Variants in NEDD4 observed in about 807,000 individuals in gnomAD.
NEDD4 encodes NEDD4 E3 ubiquitin protein ligase.
Under a neutral mutation model 144.9 loss-of-function variants are expected in NEDD4, and 99 were observed. The ratio of observed to expected loss-of-function variants is 0.68; its 90% CI spans 0.58 to 0.81. The LOEUF is 0.81. Among genes scored for constraint, NEDD4 ranks in the 30% least tolerant of loss-of-function variants. NEDD4 has a pLI of 0.00. For synonymous variants in NEDD4, 318 were observed against 350.6 expected (o/e 0.91, Z 1.04); for missense variants, 985 against 1,065.9 (o/e 0.92, Z 1.06).
chr15:55,866,006 A>C (rs1279139393), intron 8 of NEDD4, among the ~76,000 whole-genome samples: 1 of 152,148 alleles, frequency 6.6e-6, no homozygotes, highest in Admixed American at 6.5e-5. Context: ...ATCACAGCTC[A>C]CTGCAGCCTT....
At chr15:55,886,653 G>A (rs975947692) in intron 5 of NEDD4, among the ~76,000 whole-genome samples, 1 of 151,800 alleles carries the variant, frequency 6.6e-6, no homozygotes, top group African/African-American at 2.4e-5. Context: ...AGCTACTCGG[G>A]AGGCTGAGGC....
At chr15:55,951,465 A>T (rs2037237184) in intron 3 of NEDD4, 46 bp downstream of exon 3, 1 of 1,411,882 alleles carries the variant, frequency 7.1e-7, no homozygotes, top group African/African-American at 1.5e-5. Flanking sequence ...TCTTATAAAA[A>T]TAAAACAAAG....
rs543392493 is a variant in NEDD4 at position 55,970,759 on chromosome 15, C to T, written c.46-4213G>A. On this transcript the variant is annotated intron_variant, in intron 1 of 28. Coordinates refer to ENST00000435532, the MANE Select transcript of NEDD4 (RefSeq NM_006154.4). The stretch of plus-strand genomic sequence containing the variant: ...CCCCTAATATGCTCACATATGGCTT[C>T]AGTGACCAAAGACTTAAGATTCCCT... 3.3e-5 allele frequency among the ~76,000 whole-genome samples: 5 copies of T among 152,336 alleles called. No individual in the cohort carries two copies. The East Asian group carries it at 9.6e-4, about 29-fold the overall frequency.
intron 4 of NEDD4, among the ~76,000 whole-genome samples, chr15:55,936,786 A>ATTTCG (rs2036897336): frequency 1.4e-5 from 2 of 144,770 alleles, no homozygotes; most frequent in Non-Finnish European, 1.5e-5. Flanking sequence ...ATAATTTGCT[A>ATTTCG]TTTCTTTTCT....
At chr15:55,842,922 C>T in intron 18 of NEDD4, among the ~76,000 whole-genome samples, 1 of 152,104 alleles carries the variant, frequency 6.6e-6, no homozygotes, top group East Asian at 1.9e-4. Flanking sequence ...TGGCTGTGTC[C>T]CTACCCAAAT....
At chr15:55,891,797 A>G (rs1251616533) in intron 5 of NEDD4, among the ~76,000 whole-genome samples, 3 of 152,214 alleles carry the variant, frequency 2.0e-5, no homozygotes, top group Non-Finnish European at 4.4e-5. Flanking sequence ...AATTAGAACT[A>G]AAGATGCTCT....
chr15:55,862,976 A>T lies in NEDD4; in HGVS notation c.611T>A (p.Leu204His), dbSNP rs2034460569. The change falls in exon 9 of 29, where the codon CTT becomes CAT. Residue 204 changes from leucine to histidine, a missense_variant. Physicochemically the swap from Leu to His is moderately conservative, Grantham distance 99 (BLOSUM62 -3). Transcript: ENST00000435532. ...PPGWEERQDILGRTYYVNHES... is the reference protein window; with the variant it reads ...PPGWEERQDIHGRTYYVNHES... Reference sequence around the variant, plus strand: ...ATGGTTTACATAATAGGTCCTTCCAAGGATATCCTGCCTCTCTTCCCACCC... The same window carrying T: ...ATGGTTTACATAATAGGTCCTTCCATGGATATCCTGCCTCTCTTCCCACCC... The T allele has an allele frequency of 6.2e-7, 1 of 1,607,644 alleles. No individual in the cohort carries two copies. Among genetic ancestry groups the T allele is most frequent in the African/African-American group, 1.3e-5 (1 of 74,760 alleles).
At chr15:55,854,951 C>T (rs2142017935) in intron 12 of NEDD4, among the ~76,000 whole-genome samples, 1 of 152,228 alleles carries the variant, frequency 6.6e-6, no homozygotes, top group Admixed American at 6.5e-5. Flanking sequence ...GTATAGAGGA[C>T]ATTATAACGT....
intron 8 of NEDD4, among the ~76,000 whole-genome samples, chr15:55,864,675 T>A: frequency 1.6e-5 from 2 of 126,066 alleles, no homozygotes; most frequent in South Asian, 3.1e-4. Context: ...AGAGTGAAAC[T>A]CTGTCTCATA....
intron 21 of NEDD4, among the ~76,000 whole-genome samples, chr15:55,840,126 TGTTTA>T (rs2141980829): frequency 6.7e-6 from 1 of 148,238 alleles, no homozygotes; most frequent in Admixed American, 6.8e-5. Context: ...TTTAGTGGGA[TGTTTA>T]ATGTTATCTA....
intron 4 of NEDD4, among the ~76,000 whole-genome samples, chr15:55,949,880 A>G (rs1205144155): frequency 6.6e-6 from 1 of 152,106 alleles, no homozygotes; most frequent in Non-Finnish European, 1.5e-5. Flanking sequence ...CAGCACACCA[A>G]TATGGCACGT....
chr15:55,874,838 G>T (rs1177406755), intron 5 of NEDD4, among the ~76,000 whole-genome samples: 1 of 152,138 alleles, frequency 6.6e-6, no homozygotes, highest in African/African-American at 2.4e-5. Flanking sequence ...GCCAGGTGTG[G>T]TGGCACATGC....
At chr15:55,846,468 A>G (rs1404244209) in intron 18 of NEDD4, among the ~76,000 whole-genome samples, 1 of 152,336 alleles carries the variant, frequency 6.6e-6, no homozygotes, top group East Asian at 1.9e-4. Flanking sequence ...CATAACTGAT[A>G]AGCATAAGGA....
chr15:55,901,833 C>T (rs962094816), intron 5 of NEDD4, among the ~76,000 whole-genome samples: 1 of 152,088 alleles, frequency 6.6e-6, no homozygotes, highest in Non-Finnish European at 1.5e-5. Flanking sequence ...ATAATGAGAG[C>T]TACTCTTTAT....
intron 5 of NEDD4, among the ~76,000 whole-genome samples, chr15:55,886,453 T>C (rs1281626662): frequency 6.6e-6 from 1 of 152,132 alleles, no homozygotes; most frequent in Non-Finnish European, 1.5e-5. Flanking sequence ...GGCCACAAAA[T>C]AAGCCTTAAA....
rs569225157 is a variant in NEDD4 at position 55,933,566 on chromosome 15, A to T, written c.238-8867T>A. Among the ~76,000 whole-genome samples the T allele has an allele frequency of 2.7e-5, 4 of 150,860 alleles. No homozygotes were observed. The South Asian group carries it at 8.5e-4, about 32-fold the overall frequency. ...AGGGGGAAGGGGGAGGGATAGCATT[A>T]GGAGATGTACCTAATGCAAATGACG... On this transcript the variant is annotated intron_variant, in intron 4 of 28. Coordinates refer to ENST00000435532, the MANE Select transcript of NEDD4 (RefSeq NM_006154.4).
intron 7 of NEDD4, 50 bp downstream of exon 7, chr15:55,872,360 GTGTAA>G (rs1307932208): frequency 1.4e-6 from 1 of 725,530 alleles, no homozygotes; most frequent in African/African-American, 1.9e-5. Context: ...CTACTGTAAG[GTGTAA>G]TGAAGAGATA....
chr15:55,892,764 TC>T (rs1356224163), intron 5 of NEDD4, among the ~76,000 whole-genome samples: 20 of 152,228 alleles, frequency 1.3e-4, no homozygotes, highest in African/African-American at 4.3e-4. Context: ...CAGCTTGCTT[TC>T]CCCCCTTCAA....
rs2032783529 is a variant in NEDD4 at position 55,828,268 on chromosome 15, T to C, written c.*1629A>G. 2.0e-5 allele frequency: 3 copies of C among 152,170 alleles called. No homozygotes were observed. The highest frequency in any genetic ancestry group is 2.1e-4 in the South Asian group (1 of 4,826). The allele number at this position is 152,170 out of a possible 1,614,324, so 9.4% of individuals were successfully genotyped here. On this transcript the variant is annotated 3_prime_UTR_variant, in exon 29 of 29. Transcript: ENST00000435532. ...AACTTAAACCAAGAACCAGAGGTAC[T>C]TTTTACAGTTCTCACAGGGTGTGTA...
Sources: gnomAD v4.1 joint callset for allele counts (sites outside exome capture counted in the v4.1 genomes callset) on GRCh38, gnomAD v4.1.1 for gene constraint, MANE v1.5 for transcripts, NCBI Gene and HGNC (gene_info 2026-07-23, HGNC 2026-07-21) for gene names.